TUBGCP2: variants seen among roughly 807,000 people sequenced by gnomAD.
TUBGCP2 encodes tubulin gamma complex component 2, also known as gamma-tubulin complex component 2.
In TUBGCP2, 55 loss-of-function variants were observed where a neutral mutation model predicts 92.2. The observed-to-expected ratio is 0.60, with a 90% CI of 0.48 to 0.75. The LOEUF is 0.75. Ranked by LOEUF, TUBGCP2 falls within the 30% of genes least tolerant of loss-of-function variation. TUBGCP2 has a pLI of 0.00. For synonymous variants in TUBGCP2, 533 were observed against 505.2 expected (o/e 1.06, Z -0.74); for missense variants, 1,093 against 1,188.9 (o/e 0.92, Z 1.19).
At chr10:133,309,221 G>A (rs1847924317), upstream of TUBGCP2, 5 of 993,976 alleles carry the variant, frequency 5.0e-6, no homozygotes, top group Non-Finnish European at 5.2e-6. Context: ...CCTGGGACAG[G>A]CGGGACCTGA....
intron 15 of TUBGCP2, 28 bp downstream of exon 15, chr10:133,283,050 C>A: frequency 1.2e-6 from 2 of 1,612,816 alleles, no homozygotes. Flanking sequence ...CGCCTGCCCA[C>A]CCGATGGTGC....
intron 14 of TUBGCP2, among the ~76,000 whole-genome samples, 190 bp downstream of exon 14, chr10:133,283,692 T>A (rs71503789): frequency 1.3e-4 from 1 of 7,414 alleles, no homozygotes; most frequent in Non-Finnish European, 3.1e-4. Flanking sequence ...TCTCCCGCAT[T>A]CCCTGCCTCT....
At position 133,285,596 on chromosome 10, in the gene TUBGCP2, C is replaced by A; in HGVS notation, c.1755G>T (p.Gln585His). Residue 585 changes from glutamine to histidine, a missense_variant, in exon 12 of 18, where the codon CAG (glutamine) becomes CAT (histidine). By Grantham distance (24) the Gln-to-His change is conservative (BLOSUM62 0). Around this residue, in one of 3 missense-constraint regions of TUBGCP2, gnomAD observed 598 missense variants for 675.5 expected, o/e 0.89. Transcript: ENST00000252936. This position sits in a 1 kb window ranked among gnomAD's most constrained non-coding sequence, Gnocchi z 6.8. ...IDLMPHDLIT[Q>H]LLRVLAIETK... Reference sequence around the variant, plus strand: ...TCTCGATGGCCAGGACGCGCAAGAGCTGAGTGATGAGGTCATGGGGCATCA... The same window carrying A: ...TCTCGATGGCCAGGACGCGCAAGAGATGAGTGATGAGGTCATGGGGCATCA... The A allele has an allele frequency of 6.5e-7, 1 of 1,539,896 alleles. No homozygotes were observed. The highest frequency in any genetic ancestry group is 8.8e-7 in the Non-Finnish European group (1 of 1,141,490).
At chr10:133,303,339 C>T (rs1847725376) in intron 1 of TUBGCP2, among the ~76,000 whole-genome samples, 1 of 152,380 alleles carries the variant, frequency 6.6e-6, no homozygotes, top group South Asian at 2.1e-4. Context: ...CTGGGTGGGC[C>T]TGGGATTCAC....
At chr10:133,305,534 T>C (rs1847792785) in intron 1 of TUBGCP2, among the ~76,000 whole-genome samples, 1 of 152,110 alleles carries the variant, frequency 6.6e-6, no homozygotes, top group Non-Finnish European at 1.5e-5. Context: ...GTCTTTATTT[T>C]TACAATCTCT....
chr10:133,309,288 A>G, upstream of TUBGCP2: 18 of 1,432,508 alleles, frequency 1.3e-5, no homozygotes, highest in Non-Finnish European at 1.7e-5. Context: ...GTGGGGCGGG[A>G]CCGGAGCGCG....
At position 133,285,718 on chromosome 10, in the gene TUBGCP2, G is replaced by A; in HGVS notation, c.1723-90C>T. ...ATCGCCATCCTCGCTCACAGACCCA[G>A]CGCTGACGTAAGGTTCCCTACATTC... On this transcript the variant is annotated intron_variant, in intron 11 of 17. Transcript: ENST00000252936. This position sits in a 1 kb window ranked among gnomAD's most constrained non-coding sequence, Gnocchi z 6.8. The A allele has an allele frequency of 7.6e-7, 1 of 1,309,630 alleles. No homozygotes were observed. Among genetic ancestry groups the A allele is most frequent in the East Asian group, 2.5e-5 (1 of 40,004 alleles). The allele number at this position is 1,309,630 out of a possible 1,614,324, so 81.1% of individuals were successfully genotyped here. A position where few individuals can be genotyped will look rare whatever the true frequency, so the allele number is the denominator to read the frequency against.
At chr10:133,289,478 G>A (rs538097388) in intron 9 of TUBGCP2, among the ~76,000 whole-genome samples, 21 of 152,280 alleles carry the variant, frequency 1.4e-4, no homozygotes, top group East Asian at 5.8e-4. Context: ...ACTGCCGGCC[G>A]CCAGGCGTGT....
intron 15 of TUBGCP2, 33 bp from the exon 16 acceptor site, chr10:133,282,375 G>A: frequency 8.3e-6 from 13 of 1,564,638 alleles, no homozygotes; most frequent in Non-Finnish European, 1.0e-5. Context: ...AAATGCTTCT[G>A]TTAGTTACAA....
chr10:133,308,919 G>C, upstream of TUBGCP2: 1 of 1,213,132 alleles, frequency 8.2e-7, no homozygotes. Context: ...TGGCCGACAG[G>C]CTGCGCCCGC....
Position 133,284,764 on chromosome 10 carries a change from G to A in TUBGCP2, c.2024+321C>T, listed in dbSNP as rs568001422. Reference sequence around the variant, plus strand: ...TGGTCCCAGCAAGATGTGGCTGTCCGCTCTCGGGAGGAGCTAGTGTCCTGC... The same window carrying A: ...TGGTCCCAGCAAGATGTGGCTGTCCACTCTCGGGAGGAGCTAGTGTCCTGC... On this transcript the variant is annotated intron_variant, in intron 13 of 17. Transcript: ENST00000252936. 1.1e-4 allele frequency among the ~76,000 whole-genome samples: 17 copies of A among 152,278 alleles called. No homozygotes were observed. In the East Asian group the frequency reaches 2.7e-3, roughly 24 times the overall value.
intron 8 of TUBGCP2, 42 bp downstream of exon 8, chr10:133,292,449 CCTCCGTGT>C (rs757969497): frequency 1.2e-6 from 1 of 847,432 alleles, no homozygotes; most frequent in East Asian, 3.3e-5. Context: ...CCCCCATGTC[CCTCCGTGT>C]CCCCGTGTCC....
At chr10:133,298,252 A>G (rs1564771677) in intron 4 of TUBGCP2, 141 bp from the exon 5 acceptor site, 2 of 927,416 alleles carry the variant, frequency 2.2e-6, no homozygotes, top group South Asian at 1.8e-5. Context: ...CCACATAGAA[A>G]TGAAATGCGC....
intron 16 of TUBGCP2, among the ~76,000 whole-genome samples, chr10:133,281,688 GAGCTTTCCCAGC>G (rs1387906381): frequency 6.6e-6 from 1 of 152,246 alleles, no homozygotes; most frequent in Non-Finnish European, 1.5e-5. Flanking sequence ...TGAGATGAAC[GAGCTTTCCCAGC>G]AGCTTTCTCA....
At chr10:133,292,894 G>A (rs1277049766) in intron 7 of TUBGCP2, 145 bp downstream of exon 7, 2 of 1,104,424 alleles carry the variant, frequency 1.8e-6, no homozygotes, top group Non-Finnish European at 2.5e-6. Context: ...CAAGTTAATA[G>A]CACATGGAGC....
At chr10:133,283,710 GCCCTGCCTCTCCCGCACT>G (rs869108700) in intron 14 of TUBGCP2, among the ~76,000 whole-genome samples, 154 bp downstream of exon 14, 2 of 42,462 alleles carry the variant, frequency 4.7e-5, no homozygotes, top group Admixed American at 2.0e-4. Flanking sequence ...TCTCCCGCAC[GCCCTGCCTCTCCCGCACT>G]CCCTGCCTCT....
At chr10:133,309,834 G>A, upstream of TUBGCP2, 1 of 1,613,716 alleles carries the variant, frequency 6.2e-7, no homozygotes, top group Admixed American at 1.7e-5. Flanking sequence ...TGCCCTGGAC[G>A]ACTACGAGCA....
rs568353467 is a variant in TUBGCP2, at chr10:133,285,373, G to A, written c.1895+83C>T. 4.4e-5 allele frequency: 71 copies of A among 1,599,892 alleles called. No homozygotes were observed. The highest frequency in any genetic ancestry group is 3.3e-4 in the Admixed American group (19 of 57,296). On this transcript the variant is annotated intron_variant, in intron 12 of 17. Coordinates refer to ENST00000252936, the MANE Select transcript of TUBGCP2 (RefSeq NM_006659.4). The surrounding 1 kb of genome is among the most constrained non-coding windows in gnomAD (Gnocchi z 6.8). Reference sequence around the variant, plus strand: ...AGCCGCCTTGGGTCCTCTGTGGGACGAGGTGGCCACCGCGTGGCACAGTTC... The same window carrying A: ...AGCCGCCTTGGGTCCTCTGTGGGACAAGGTGGCCACCGCGTGGCACAGTTC...
In TUBGCP2 at chr10:133,299,498, T is replaced by C. The variant is rs1023662292; in HGVS notation, c.385A>G (p.Ile129Val). 3.7e-6 allele frequency: 6 copies of C among 1,613,286 alleles called. No homozygotes were observed. In the African/African-American group the frequency reaches 6.7e-5, roughly 18 times the overall value. ...AGTTCCTCAAGCTCCTGCATGGAGA[T>C]CTTGGAGGCCGCGGCAGGGACGTTG... Reference protein sequence around the residue: ...SINVPAAASKISMQELEELRK... With the variant: ...SINVPAAASKVSMQELEELRK... Residue 129 changes from isoleucine to valine, a missense_variant, in exon 4 of 18, where the codon ATC becomes GTC. By Grantham distance (29) the Ile-to-Val change is conservative. Around this residue, in one of 3 missense-constraint regions of TUBGCP2, gnomAD observed 490 missense variants for 488.5 expected, o/e 1.00. Transcript: ENST00000252936.
Sources: gnomAD v4.1 joint callset for allele counts (sites outside exome capture counted in the v4.1 genomes callset) on GRCh38, gnomAD v4.1.1 for gene constraint, gnomAD v4.1.1 regional missense constraint, Gnocchi (gnomAD v3.1) non-coding constraint, MANE v1.5 for transcripts, NCBI Gene and HGNC (gene_info 2026-07-23, HGNC 2026-07-21) for gene names.